The following H3Y2 variants were observed in gnomAD, a reference collection of about 807,000 sequenced individuals.
H3Y2 encodes the protein H3.Y histone 2.
H3Y2 carries 2 observed loss-of-function variants against 0.6 expected under a neutral mutation model. The ratio of observed to expected loss-of-function variants is 3.36; its 90% CI spans 1.37 to 10.58. H3Y2 has a LOEUF of 10.58. Among genes scored for constraint, H3Y2 ranks in the 30% most tolerant of loss-of-function variants. The pLI is 0.04. For synonymous variants in H3Y2, 20 were observed against 7.8 expected, an observed-to-expected ratio of 2.56 and a Z score of -2.60; for missense variants, 36 against 19.1, an observed-to-expected ratio of 1.89 and a Z score of -1.66.
In H3Y2 at chr5:17,491,256, C is replaced by T; in HGVS notation, c.*69G>A. 2.5e-6 allele frequency: 1 copy of T among 397,942 alleles called. No homozygotes were observed. Among genetic ancestry groups the T allele is most frequent in the Non-Finnish European group, 4.4e-6 (1 of 226,302 alleles). 24.7% of individuals were successfully genotyped at this position (397,942 alleles called of 1,614,324 possible). ...AAGAAACCAAAACAGAACAAAACTT[C>T]TCACATCAGAACTACCAGTTACGGG... is the stretch of plus-strand genomic sequence containing the variant. On this transcript the variant is annotated 3_prime_UTR_variant, in exon 1 of 1. Transcript: ENST00000600799.
Position 17,491,374 on chromosome 5 carries a change from C to A in H3Y2, c.395G>T (p.Arg132Leu), listed in dbSNP as rs1352919368. 2.0e-5 allele frequency: 9 copies of A among 441,296 alleles called. No individual in the cohort carries two copies. The highest frequency in any genetic ancestry group is 1.7e-4 in the Admixed American group (4 of 23,556). 27.3% of individuals were successfully genotyped at this position (441,296 alleles called of 1,614,324 possible). Reference sequence around the variant, plus strand: ...CGTGGGCTCTCCGGCACCCTCTCCACGGAGGCGGCGGGCCAGCTGCATGTC... The same window carrying A: ...CGTGGGCTCTCCGGCACCCTCTCCAAGGAGGCGGCGGGCCAGCTGCATGTC... ...PRDMQLARRLRGEGAGEPTLL... is the reference protein window; with the variant it reads ...PRDMQLARRLLGEGAGEPTLL... Residue 132 changes from arginine (R) to leucine (L), a missense_variant, in exon 1 of 1, where the codon CGT becomes CTT. By Grantham distance (102) the Arg-to-Leu change is moderately radical. Coordinates refer to ENST00000600799, the MANE Select transcript of H3Y2 (RefSeq NM_001371919.1).
rs573024363 is a variant in H3Y2 at position 17,492,057 on chromosome 5, G to T, written c.-289C>A. ...CAGGAGTCTCCCTCGCAGGCAGTCT[G>T]TTTCTGACTGGAGATCTCTGTGGTC... On this transcript the variant is annotated 5_prime_UTR_variant, in exon 1 of 1. Coordinates refer to ENST00000600799, the MANE Select transcript of H3Y2 (RefSeq NM_001371919.1). 4.0e-5 allele frequency among the ~76,000 whole-genome samples: 6 copies of T among 151,660 alleles called. No homozygotes were observed. The highest frequency in any genetic ancestry group is 8.8e-5 in the Non-Finnish European group (6 of 68,014).
In H3Y2 at chr5:17,491,518, C is replaced by T. The variant is rs61745029; in HGVS notation, c.251G>A (p.Arg84His). The change falls in exon 1 of 1, where the codon CGC becomes CAC. Residue 84 changes from arginine to histidine, a missense_variant. Physicochemically the swap from Arg to His is conservative, Grantham distance 29. Transcript: ENST00000600799. ...EIAQAISPDL[R>H]FQSAAIGALQ... ...GGCGCCAATGGCCGCGCTCTGGAAG[C>T]GCAGGTCCGGGCTGATGGCCTGGGC... 27,419 of 502,462 alleles carry T rather than the reference C, an allele frequency of 0.055. 1,004 individuals carry two copies. Among genetic ancestry groups the T allele is most frequent in the Non-Finnish European group, 0.069 (19,526 of 282,456 alleles). The allele number at this position is 502,462 out of a possible 1,614,324, so 31.1% of individuals were successfully genotyped here.
chr5:17,491,283 G>A lies in H3Y2; in HGVS notation c.*42C>T, dbSNP rs1295955786. The A allele has an allele frequency of 5.0e-6, 2 of 399,616 alleles. No individual in the cohort carries two copies. Among genetic ancestry groups the A allele is most frequent in the African/African-American group, 2.1e-5 (1 of 48,264 alleles). 24.8% of individuals were successfully genotyped at this position (399,616 alleles called of 1,614,324 possible). On this transcript the variant is annotated 3_prime_UTR_variant, in exon 1 of 1. Coordinates refer to ENST00000600799, the MANE Select transcript of H3Y2 (RefSeq NM_001371919.1). The stretch of plus-strand genomic sequence containing the variant: ...CACATCAGAACTACCAGTTACGGGG[G>A]AAGAGAAAAAAGAAAACACAAGCAA...
chr5:17,491,884 G>C lies in H3Y2; in HGVS notation c.-116C>G, dbSNP rs932012729. The C allele has an allele frequency of 9.1e-5, 36 of 397,538 alleles. No homozygotes were observed. Among genetic ancestry groups the C allele is most frequent in the Non-Finnish European group, 1.5e-4 (34 of 226,198 alleles). The allele number at this position is 397,538 out of a possible 1,614,324, so 24.6% of individuals were successfully genotyped here. ...TGGACAGGATTCAGAGAGCCTGTGA[G>C]TTGAGATCCATGCGCAGGACTCTCC... On this transcript the variant is annotated 5_prime_UTR_variant, in exon 1 of 1. Transcript: ENST00000600799.
chr5:17,491,369 C>T lies in H3Y2; in HGVS notation c.400G>A (p.Glu134Lys), dbSNP rs551474065. Residue 134 changes from glutamate to lysine, a missense_variant, in exon 1 of 1, where the codon GAG becomes AAG. Physicochemically the swap from Glu to Lys is moderately conservative, Grantham distance 56 (BLOSUM62 1). Coordinates refer to ENST00000600799, the MANE Select transcript of H3Y2 (RefSeq NM_001371919.1). ...AGGAGCGTGGGCTCTCCGGCACCCTCTCCACGGAGGCGGCGGGCCAGCTGC... is the reference window on the plus strand; with the variant it reads ...AGGAGCGTGGGCTCTCCGGCACCCTTTCCACGGAGGCGGCGGGCCAGCTGC... Reference protein sequence around the residue: ...DMQLARRLRGEGAGEPTLLGN... With the variant: ...DMQLARRLRGKGAGEPTLLGN... 4.0e-4 allele frequency: 174 copies of T among 438,458 alleles called. 1 individual carries two copies. Among genetic ancestry groups the T allele is most frequent in the Non-Finnish European group, 2.8e-5 (7 of 246,542 alleles). The allele number at this position is 438,458 out of a possible 1,614,324, so 27.2% of individuals were successfully genotyped here.
Position 17,491,365 on chromosome 5 carries a change from C to G in H3Y2, c.404G>C (p.Gly135Ala), listed in dbSNP as rs528392314. 2.5e-5 allele frequency: 11 copies of G among 434,750 alleles called. No individual in the cohort carries two copies. Among genetic ancestry groups the G allele is most frequent in the African/African-American group, 2.1e-4 (10 of 48,676 alleles). The allele number at this position is 434,750 out of a possible 1,614,324, so 26.9% of individuals were successfully genotyped here. ...TCCCAGGAGCGTGGGCTCTCCGGCA[C>G]CCTCTCCACGGAGGCGGCGGGCCAG... Reference protein sequence around the residue: ...MQLARRLRGEGAGEPTLLGNL... With the variant: ...MQLARRLRGEAAGEPTLLGNL... The change falls in exon 1 of 1, where the codon GGT becomes GCT. Residue 135 changes from glycine (G) to alanine (A), a missense_variant. By Grantham distance (60) the Gly-to-Ala change is moderately conservative. Coordinates refer to ENST00000600799, the MANE Select transcript of H3Y2 (RefSeq NM_001371919.1).
At position 17,491,863 on chromosome 5, in the gene H3Y2, C is replaced by G. The variant is rs772321612; in HGVS notation, c.-95G>C. 6.8e-5 allele frequency: 27 copies of G among 398,118 alleles called. 1 individual carries two copies. The highest frequency in any genetic ancestry group is 1.3e-4 in the South Asian group (1 of 7,554). The allele number at this position is 398,118 out of a possible 1,614,324, so 24.7% of individuals were successfully genotyped here. A position where few individuals can be genotyped will look rare whatever the true frequency, so the allele number is the denominator to read the frequency against. On this transcript the variant is annotated 5_prime_UTR_variant, in exon 1 of 1. Coordinates refer to ENST00000600799, the MANE Select transcript of H3Y2 (RefSeq NM_001371919.1). The stretch of plus-strand genomic sequence containing the variant: ...AAAACAAGGGCAGTGGTGCTGTGGA[C>G]AGGATTCAGAGAGCCTGTGAGTTGA...
rs2126624322 is a variant in H3Y2, at chr5:17,491,617, T to C, written c.152A>G (p.Glu51Gly). The C allele has an allele frequency of 1.4e-5, 6 of 414,512 alleles. No individual in the cohort carries two copies. The East Asian group carries it at 2.1e-4, about 15-fold the overall frequency. 25.7% of individuals were successfully genotyped at this position (414,512 alleles called of 1,614,324 possible). ...RYKPGTLALR[E>G]IRKYQKSTQL... ...CGTGGACTTCTGGTACTTTCTGATT[T>C]CCCGCAGCGCCAGGGTGCCAGGCTT... is the stretch of plus-strand genomic sequence containing the variant. Residue 51 changes from glutamate to glycine, a missense_variant, in exon 1 of 1, where the codon GAA becomes GGA. Transcript: ENST00000600799.
Position 17,491,851 on chromosome 5 carries a change from T to C in H3Y2, c.-83A>G. 2.5e-6 allele frequency: 1 copy of C among 398,528 alleles called. No individual in the cohort carries two copies. The highest frequency in any genetic ancestry group is 4.4e-6 in the Non-Finnish European group (1 of 226,564). 24.7% of individuals were successfully genotyped at this position (398,528 alleles called of 1,614,324 possible). ...TACTGGCGTCAGAAAACAAGGGCAG[T>C]GGTGCTGTGGACAGGATTCAGAGAG... On this transcript the variant is annotated 5_prime_UTR_variant, in exon 1 of 1. Coordinates refer to ENST00000600799, the MANE Select transcript of H3Y2 (RefSeq NM_001371919.1).
In H3Y2 at chr5:17,491,917, T is replaced by G. The variant is rs1738126508; in HGVS notation, c.-149A>C. On this transcript the variant is annotated 5_prime_UTR_variant, in exon 1 of 1. Coordinates refer to ENST00000600799, the MANE Select transcript of H3Y2 (RefSeq NM_001371919.1). ...CCATGCGCAGGACTCTCCCACACAC[T>G]TAACCCCTGCCAACCCAACCCCACA... The G allele has an allele frequency of 2.5e-6, 1 of 397,144 alleles. No homozygotes were observed. The highest frequency in any genetic ancestry group is 1.4e-4 in the South Asian group (1 of 7,052). The allele number at this position is 397,144 out of a possible 1,614,324, so 24.6% of individuals were successfully genotyped here. A position where few individuals can be genotyped will look rare whatever the true frequency, so the allele number is the denominator to read the frequency against.
chr5:17,491,733 G>A lies in H3Y2; in HGVS notation c.36C>T (p.Thr12=), dbSNP rs749088202. The A allele has an allele frequency of 1.5e-5, 6 of 405,280 alleles. No homozygotes were observed. Among genetic ancestry groups the A allele is most frequent in the Admixed American group, 4.4e-5 (1 of 22,762 alleles). 25.1% of individuals were successfully genotyped at this position (405,280 alleles called of 1,614,324 possible). The part of the protein sequence containing the change: ...ARTKQTARKA[T]AWQAPRKPLA... Reference sequence around the variant, plus strand: ...GGGGCTTCCTGGGGGCCTGCCAGGCGGTGGCTTTGCGGGCGGTCTGCTTGG... The same window carrying A: ...GGGGCTTCCTGGGGGCCTGCCAGGCAGTGGCTTTGCGGGCGGTCTGCTTGG... Residue 12 remains threonine (T), a synonymous_variant, in exon 1 of 1, where the codon ACC becomes ACT. Transcript: ENST00000600799.
rs377256071 is a variant in H3Y2, at chr5:17,491,762, G to A, written c.7C>T (p.Arg3Cys). 15 of 403,412 alleles carry A rather than the reference G, an allele frequency of 3.7e-5. No homozygotes were observed. Among genetic ancestry groups the A allele is most frequent in the East Asian group, 1.4e-4 (4 of 28,108 alleles). 25.0% of individuals were successfully genotyped at this position (403,412 alleles called of 1,614,324 possible). Residue 3 changes from arginine to cysteine, a missense_variant, in exon 1 of 1, where the codon CGC becomes TGC. Physicochemically the swap from Arg to Cys is radical, Grantham distance 180. Coordinates refer to ENST00000600799, the MANE Select transcript of H3Y2 (RefSeq NM_001371919.1). ...GCTTTGCGGGCGGTCTGCTTGGTGC[G>A]CGCCATGTTGTGGGGCCTTGTGCTC... The part of the protein sequence containing the change: MA[R>C]TKQTARKATA...
chr5:17,491,821 G>C lies in H3Y2; in HGVS notation c.-53C>G. 1 of 399,550 alleles carries C rather than the reference G, an allele frequency of 2.5e-6. No individual in the cohort carries two copies. The highest frequency in any genetic ancestry group is 4.4e-6 in the Non-Finnish European group (1 of 227,020). The allele number at this position is 399,550 out of a possible 1,614,324, so 24.8% of individuals were successfully genotyped here. On this transcript the variant is annotated 5_prime_UTR_variant, in exon 1 of 1. Transcript: ENST00000600799. Reference sequence around the variant, plus strand: ...CTGAGGCTGAGCCTGGCCTGCTGCAGGCAGTACTGGCGTCAGAAAACAAGG... The same window carrying C: ...CTGAGGCTGAGCCTGGCCTGCTGCACGCAGTACTGGCGTCAGAAAACAAGG...
chr5:17,491,094 G>C lies in H3Y2; in HGVS notation c.*231C>G, dbSNP rs1738102368. Among the ~76,000 whole-genome samples the C allele has an allele frequency of 6.6e-6, 1 of 151,518 alleles. No individual in the cohort carries two copies. Among genetic ancestry groups the C allele is most frequent in the African/African-American group, 2.4e-5 (1 of 40,958 alleles). On this transcript the variant is annotated 3_prime_UTR_variant, in exon 1 of 1. Transcript: ENST00000600799. ...CTCGCTCACAGAGACATTTCCACTTGACACTAGTACCTTGGGAGCCTCAAA... is the reference window on the plus strand; with the variant it reads ...CTCGCTCACAGAGACATTTCCACTTCACACTAGTACCTTGGGAGCCTCAAA...
Position 17,491,518 on chromosome 5 carries a change from C to G in H3Y2, c.251G>C (p.Arg84Pro). Residue 84 changes from arginine (R) to proline (P), a missense_variant, in exon 1 of 1, where the codon CGC becomes CCC. By Grantham distance (103) the Arg-to-Pro change is moderately radical. Coordinates refer to ENST00000600799, the MANE Select transcript of H3Y2 (RefSeq NM_001371919.1). ...GGCGCCAATGGCCGCGCTCTGGAAG[C>G]GCAGGTCCGGGCTGATGGCCTGGGC... ...EIAQAISPDLRFQSAAIGALQ... is the reference protein window; with the variant it reads ...EIAQAISPDLPFQSAAIGALQ... 1 of 502,658 alleles carries G rather than the reference C, an allele frequency of 2.0e-6. No individual in the cohort carries two copies. Among genetic ancestry groups the G allele is most frequent in the Non-Finnish European group, 3.5e-6 (1 of 282,562 alleles). 31.1% of individuals were successfully genotyped at this position (502,658 alleles called of 1,614,324 possible).
chr5:17,491,384 G>C lies in H3Y2; in HGVS notation c.385C>G (p.Arg129Gly). The change falls in exon 1 of 1, where the codon CGC becomes GGC. Residue 129 changes from arginine to glycine, a missense_variant. By Grantham distance (125) the Arg-to-Gly change is moderately radical. Transcript: ENST00000600799. ...TIMPRDMQLA[R>G]RLRGEGAGEP... is the part of the protein sequence containing the mutation. ...CCGGCACCCTCTCCACGGAGGCGGC[G>C]GGCCAGCTGCATGTCTCGGGGCATA... 2.2e-6 allele frequency: 1 copy of C among 456,290 alleles called. No individual in the cohort carries two copies. Among genetic ancestry groups the C allele is most frequent in the East Asian group, 3.4e-5 (1 of 28,988 alleles). 28.3% of individuals were successfully genotyped at this position (456,290 alleles called of 1,614,324 possible).
Position 17,491,427 on chromosome 5 carries a change from A to C in H3Y2, c.342T>G (p.His114Gln). 1 of 522,656 alleles carries C rather than the reference A, an allele frequency of 1.9e-6. No individual in the cohort carries two copies. 32.4% of individuals were successfully genotyped at this position (522,656 alleles called of 1,614,324 possible). A position where few individuals can be genotyped will look rare whatever the true frequency, so the allele number is the denominator to read the frequency against. ...LFEDTNLCAI[H>Q]ARRVTIMPRD... ...GGGGCATAATTGTGACGCGCCTGGC[A>C]TGGATGGCACACAGGTTGGTGTCTT... Residue 114 changes from histidine to glutamine, a missense_variant, in exon 1 of 1, where the codon CAT (histidine) becomes CAG (glutamine). Physicochemically the swap from His to Gln is conservative, Grantham distance 24. Transcript: ENST00000600799.
At position 17,491,961 on chromosome 5, in the gene H3Y2, T is replaced by C. The variant is rs1579593728; in HGVS notation, c.-193A>G. On this transcript the variant is annotated 5_prime_UTR_variant, in exon 1 of 1. Coordinates refer to ENST00000600799, the MANE Select transcript of H3Y2 (RefSeq NM_001371919.1). ...CCCCACACTTACCAGCTCTCAGGTC[T>C]GTGGGTCGGAGGCCGGGCTGCTTAG... 6.6e-6 allele frequency among the ~76,000 whole-genome samples: 1 copy of C among 151,740 alleles called. No individual in the cohort carries two copies. Among genetic ancestry groups the C allele is most frequent in the Non-Finnish European group, 1.5e-5 (1 of 68,016 alleles).
Sources: allele counts gnomAD v4.1 joint callset (sites outside exome capture counted in the v4.1 genomes callset), GRCh38; gene constraint gnomAD v4.1.1; transcripts MANE v1.5; gene names NCBI Gene and HGNC (gene_info 2026-07-23, HGNC 2026-07-21).